ITIH3: variants seen among roughly 807,000 people sequenced by gnomAD.
ITIH3 encodes the protein inter-alpha-trypsin inhibitor heavy chain 3.
In ITIH3, 81 loss-of-function variants were observed where a neutral mutation model predicts 96.5. That is an observed-to-expected ratio of 0.84 (90% CI 0.70 to 1.01). ITIH3 has a LOEUF of 1.01. Ranked by LOEUF, ITIH3 falls within the 50% of genes least tolerant of loss-of-function variation. The probability of loss-of-function intolerance (pLI) is 0.00; values close to 1 mark genes in which losing one functional copy is unlikely to be tolerated. For missense variants in ITIH3, 1,057 were observed against 1,139.3 expected (o/e 0.93, Z 1.04); for synonymous variants, 422 against 445.2 (o/e 0.95, Z 0.66).
chr3:52,794,879 C>A lies in ITIH3; in HGVS notation c.76C>A (p.Pro26Thr). Reference protein sequence around the residue: ...SLAASGFPRSPFRLLGKRSLP... With the variant: ...SLAASGFPRSTFRLLGKRSLP... Reference sequence around the variant, plus strand: ...GGCAGCCTCTGGCTTCCCGAGAAGCCCCTTTCGGCTGCTTGGGGTGAGTCT... The same window carrying A: ...GGCAGCCTCTGGCTTCCCGAGAAGCACCTTTCGGCTGCTTGGGGTGAGTCT... The change falls in exon 1 of 22, where the codon CCC becomes ACC. Residue 26 changes from proline to threonine, a missense_variant. Physicochemically the swap from Pro to Thr is conservative, Grantham distance 38. Transcript: ENST00000449956. 2 of 1,613,860 alleles carry A rather than the reference C, an allele frequency of 1.2e-6. No individual in the cohort carries two copies. The highest frequency in any genetic ancestry group is 1.7e-6 in the Non-Finnish European group (2 of 1,179,834).
At chr3:52,800,017 A>G in intron 9 of ITIH3, 96 bp downstream of exon 9, 2 of 1,219,266 alleles carry the variant, frequency 1.6e-6, no homozygotes, top group South Asian at 2.9e-5. Flanking sequence ...TGCTGGTCTC[A>G]GGCCCTCTTC....
In ITIH3 at chr3:52,806,313, A is replaced by G. The variant is rs1427475109; in HGVS notation, c.1963A>G (p.Ile655Val). 2.5e-5 allele frequency: 41 copies of G among 1,613,722 alleles called. No homozygotes were observed. Among genetic ancestry groups the G allele is most frequent in the African/African-American group, 9.3e-5 (7 of 74,922 alleles). The change falls in exon 18 of 22, where the codon ATC becomes GTC. Residue 655 changes from isoleucine to valine, a missense_variant. Physicochemically the swap from Ile to Val is conservative, Grantham distance 29 (BLOSUM62 3). Coordinates refer to ENST00000449956, the MANE Select transcript of ITIH3 (RefSeq NM_002217.4). ...ACCAGTGGACGGGGATCCCCACTTCATCATCCAAATTCCGGAGAAAGACGA... is the reference window on the plus strand; with the variant it reads ...ACCAGTGGACGGGGATCCCCACTTCGTCATCCAAATTCCGGAGAAAGACGA... ...YYYVDGDPHF[I>V]IQIPEKDDAL...
Position 52,797,235 on chromosome 3 carries a change from G to T in ITIH3, c.517G>T (p.Val173Phe), listed in dbSNP as rs563678306. Reference sequence around the variant, plus strand: ...GGGCAAGTACGAGATGTACCTCAAGGTCCAGCCTAAGCAACTGGTCAAACA... The same window carrying T: ...GGGCAAGTACGAGATGTACCTCAAGTTCCAGCCTAAGCAACTGGTCAAACA... ...HKGKYEMYLKVQPKQLVKHFE... is the reference protein window; with the variant it reads ...HKGKYEMYLKFQPKQLVKHFE... Residue 173 changes from valine (V) to phenylalanine (F), a missense_variant, in exon 5 of 22, where the codon GTC (valine) becomes TTC (phenylalanine). Val to Phe is a conservative substitution (Grantham distance 50). Coordinates refer to ENST00000449956, the MANE Select transcript of ITIH3 (RefSeq NM_002217.4). 64 of 1,607,150 alleles carry T rather than the reference G, an allele frequency of 4.0e-5. No homozygotes were observed. In the East Asian group the frequency reaches 1.4e-3, roughly 34 times the overall value.
In ITIH3 at chr3:52,803,857, A is replaced by G. The variant is rs777515178; in HGVS notation, c.1712A>G (p.Lys571Arg). The G allele has an allele frequency of 1.4e-5, 23 of 1,613,846 alleles. No homozygotes were observed. The highest frequency in any genetic ancestry group is 2.7e-5 in the African/African-American group (2 of 74,956). The change falls in exon 14 of 22, where the codon AAG (lysine) becomes AGG (arginine). Residue 571 changes from lysine (K) to arginine (R), a missense_variant and splice_region_variant. Coordinates refer to ENST00000449956, the MANE Select transcript of ITIH3 (RefSeq NM_002217.4). ...TCCTGACTGGCCCCTCCTCACAGCA[A>G]GAACGCCCATGGCGAGGAGAAGGAG... ...LTIEQLLEKR[K>R]NAHGEEKENL...
At chr3:52,803,170 G>C (rs569264044) in intron 13 of ITIH3, among the ~76,000 whole-genome samples, 26 of 152,330 alleles carry the variant, frequency 1.7e-4, no homozygotes, top group Non-Finnish European at 1.3e-4. Context: ...TGTTGGTGTG[G>C]GTGGGATTAG....
intron 16 of ITIH3, 51 bp downstream of exon 16, chr3:52,805,891 C>T: frequency 1.9e-6 from 3 of 1,601,726 alleles, no homozygotes; most frequent in Non-Finnish European, 2.6e-6. Flanking sequence ...GAGCCTGCCC[C>T]TGCCACATGT....
chr3:52,805,343 A>G, intron 15 of ITIH3: 2 of 1,013,260 alleles, frequency 2.0e-6, no homozygotes, highest in Non-Finnish European at 2.4e-6. Context: ...CATTCCCCTC[A>G]GAACAGCCCT....
intron 16 of ITIH3, 58 bp downstream of exon 16, chr3:52,805,898 A>G: frequency 6.3e-7 from 1 of 1,595,016 alleles, no homozygotes; most frequent in Non-Finnish European, 8.6e-7. Flanking sequence ...CCCCTGCCAC[A>G]TGTCCCTCCA....
chr3:52,808,336 TC>T, intron 21 of ITIH3, 115 bp downstream of exon 21: 2 of 1,093,502 alleles, frequency 1.8e-6, no homozygotes, highest in Non-Finnish European at 2.7e-6. Flanking sequence ...TACCCTTGTT[TC>T]CCTTTGAGGT....
chr3:52,806,012 G>T (rs911501331), intron 16 of ITIH3, 91 bp from the exon 17 acceptor site: 22 of 1,505,936 alleles, frequency 1.5e-5, no homozygotes, highest in African/African-American at 4.2e-5. Context: ...GAAGGGGAGG[G>T]GAGGGGCATA....
chr3:52,804,468 A>C, intron 14 of ITIH3: 1 of 499,780 alleles, frequency 2.0e-6, no homozygotes, highest in Non-Finnish European at 3.6e-6. Flanking sequence ...GCCCACTGCA[A>C]CTAGGTACAG....
intron 21 of ITIH3, 47 bp downstream of exon 21, chr3:52,808,268 G>C (rs1218305752): frequency 2.0e-6 from 3 of 1,481,654 alleles, no homozygotes; most frequent in Non-Finnish European, 2.8e-6. Flanking sequence ...AACGAGAGGA[G>C]GAAAGAGCAC....
intron 6 of ITIH3, 54 bp downstream of exon 6, chr3:52,797,984 C>T: frequency 9.1e-7 from 1 of 1,099,628 alleles, no homozygotes; most frequent in Non-Finnish European, 1.4e-6. Flanking sequence ...ATACTGACTC[C>T]AGCAGAACAA....
intron 13 of ITIH3, among the ~76,000 whole-genome samples, chr3:52,803,231 T>A (rs1174668322): frequency 6.6e-6 from 1 of 152,150 alleles, no homozygotes; most frequent in Non-Finnish European, 1.5e-5. Context: ...GCTCTGCACA[T>A]GGACACCATT....
intron 19 of ITIH3, 144 bp downstream of exon 19, chr3:52,807,249 C>G (rs1700091528): frequency 1.3e-6 from 1 of 776,600 alleles, no homozygotes; most frequent in Non-Finnish European, 2.0e-6. Context: ...TCTCCTGTCA[C>G]AGGGGAGGGT....
Position 52,799,775 on chromosome 3 carries a change from T to G in ITIH3, c.929T>G (p.Ile310Ser). Residue 310 changes from isoleucine to serine, a missense_variant, in exon 9 of 22, where the codon ATC becomes AGC. Transcript: ENST00000449956. ...LEQTKEALLR[I>S]LEDMQEEDYL... The stretch of plus-strand genomic sequence containing the variant: ...CAGACAAAGGAGGCCCTTCTCAGAA[T>G]CCTGGAAGATATGCAAGAGGAAGAC... The G allele has an allele frequency of 6.2e-7, 1 of 1,613,190 alleles. No homozygotes were observed. Among genetic ancestry groups the G allele is most frequent in the Non-Finnish European group, 8.5e-7 (1 of 1,179,574 alleles).
chr3:52,807,246 T>C (rs1251383084), intron 19 of ITIH3, 141 bp downstream of exon 19: 3 of 791,754 alleles, frequency 3.8e-6, no homozygotes. Context: ...CAGTCTCCTG[T>C]CACAGGGGAG....
rs948418751 is a variant in ITIH3 at position 52,797,017 on chromosome 3, C to T, written c.387-88C>T. 16 of 1,465,258 alleles carry T rather than the reference C, an allele frequency of 1.1e-5. No homozygotes were observed. The East Asian group carries it at 1.2e-4, about 11-fold the overall frequency. 90.8% of individuals were successfully genotyped at this position (1,465,258 alleles called of 1,614,324 possible). On this transcript the variant is annotated intron_variant, in intron 4 of 21. Transcript: ENST00000449956. ...GCTCAGAATGGTTAGGGATCTCCCT[C>T]GCCAAAGGGCTGGGCCTGGGGCCGA... is the stretch of plus-strand genomic sequence containing the variant.
chr3:52,806,251 G>A (rs1321740644), intron 17 of ITIH3, 42 bp from the exon 18 acceptor site: 2 of 1,602,124 alleles, frequency 1.2e-6, no homozygotes, highest in Non-Finnish European at 1.7e-6. Flanking sequence ...CAGGTATGAT[G>A]AGAGGCCCCG....
Sources: gnomAD v4.1 joint callset for allele counts (sites outside exome capture counted in the v4.1 genomes callset) on GRCh38, gnomAD v4.1.1 for gene constraint, MANE v1.5 for transcripts, NCBI Gene and HGNC (gene_info 2026-07-23, HGNC 2026-07-21) for gene names.